The following UBE2K variants were observed in gnomAD, a reference collection of about 807,000 sequenced individuals.
UBE2K encodes the protein ubiquitin-conjugating enzyme E2 K.
In UBE2K, 6 loss-of-function variants were observed where a neutral mutation model predicts 30.0. The observed-to-expected ratio is 0.20, with a 90% CI of 0.11 to 0.39. The LOEUF (loss-of-function observed/expected upper bound fraction) is 0.39. UBE2K is among the 10% of genes least tolerant of loss of function. UBE2K has a pLI of 1.00. For missense variants in UBE2K, 61 were observed against 241.6 expected (o/e 0.25, Z 4.96); for synonymous variants, 86 against 83.7 (o/e 1.03, Z -0.15).
rs543566119 is a variant in UBE2K, at chr4:39,749,649, A to C, written c.216+3839A>C. On this transcript the variant is annotated intron_variant, in intron 3 of 6. Coordinates refer to ENST00000261427, the MANE Select transcript of UBE2K (RefSeq NM_005339.5). ...AGCCGAGATCATGCCACTGCACTGC[A>C]GCCTGGACAAGAGAGTAAGACTCTG... Among the ~76,000 whole-genome samples, 4 of 152,174 alleles carry C rather than the reference A, an allele frequency of 2.6e-5. No individual in the cohort carries two copies. The South Asian group carries it at 8.3e-4, about 31-fold the overall frequency.
At chr4:39,745,832 G>C in intron 3 of UBE2K, 22 bp downstream of exon 3, 1 of 1,540,380 alleles carries the variant, frequency 6.5e-7, no homozygotes, top group Non-Finnish European at 8.8e-7. Context: ...CTATTTTTGT[G>C]CATGAAGTTA....
chr4:39,781,104 A>G lies in UBE2K; in HGVS notation c.*2670A>G, dbSNP rs1302968705. ...ATAGTATTTCAGTACTGATGAATGA[A>G]TGAATGAATGAATGGCAGTTAGTGG... On this transcript the variant is annotated 3_prime_UTR_variant, in exon 7 of 7. Coordinates refer to ENST00000261427, the MANE Select transcript of UBE2K (RefSeq NM_005339.5). 2 of 152,152 alleles carry G rather than the reference A, an allele frequency of 1.3e-5. No individual in the cohort carries two copies. Among genetic ancestry groups the G allele is most frequent in the East Asian group, 3.8e-4 (2 of 5,206 alleles). 9.4% of individuals were successfully genotyped at this position (152,152 alleles called of 1,614,324 possible). A position where few individuals can be genotyped will look rare whatever the true frequency, so the allele number is the denominator to read the frequency against.
intron 3 of UBE2K, among the ~76,000 whole-genome samples, chr4:39,748,708 T>A (rs943693067): frequency 6.6e-6 from 1 of 152,128 alleles, no homozygotes; most frequent in Non-Finnish European, 1.5e-5. Context: ...TAGAAACATC[T>A]TCTTAGGTTC....
At chr4:39,704,630 C>A (rs1396572819) in intron 1 of UBE2K, among the ~76,000 whole-genome samples, 1 of 151,984 alleles carries the variant, frequency 6.6e-6, no homozygotes, top group Admixed American at 6.6e-5. Context: ...GCCTTGAACT[C>A]CCCAGGCTTA....
At chr4:39,729,566 T>G (rs1719957797) in intron 1 of UBE2K, among the ~76,000 whole-genome samples, 1 of 152,218 alleles carries the variant, frequency 6.6e-6, no homozygotes, top group South Asian at 2.1e-4. Context: ...TTCATTGCAC[T>G]GGACTTTATT....
At chr4:39,745,538 C>A (rs1272433101) in intron 2 of UBE2K, among the ~76,000 whole-genome samples, 3 of 152,164 alleles carry the variant, frequency 2.0e-5, no homozygotes, top group Non-Finnish European at 4.4e-5. Context: ...CACTGATAAA[C>A]TAATACAGTT....
At chr4:39,704,289 T>C (rs1158680273) in intron 1 of UBE2K, among the ~76,000 whole-genome samples, 3 of 152,046 alleles carry the variant, frequency 2.0e-5, no homozygotes, top group Admixed American at 2.0e-4. Flanking sequence ...AAAGTTTTTA[T>C]TTTTATTTTA....
chr4:39,753,279 A>G (rs539358337), intron 3 of UBE2K, among the ~76,000 whole-genome samples: 159 of 152,244 alleles, frequency 1.0e-3, no homozygotes, highest in African/African-American at 3.6e-3. Flanking sequence ...AGTCACAGCT[A>G]CTTTTAAGAT....
chr4:39,773,172 A>G (rs1024166406), intron 4 of UBE2K, among the ~76,000 whole-genome samples: 2 of 152,038 alleles, frequency 1.3e-5, no homozygotes, highest in Admixed American at 1.3e-4. Context: ...ATGATTTCAT[A>G]TTTTCTTGAA....
chr4:39,752,177 G>T (rs1292368704), intron 3 of UBE2K, among the ~76,000 whole-genome samples: 1 of 152,110 alleles, frequency 6.6e-6, no homozygotes, highest in Admixed American at 6.6e-5. Context: ...CTGTCCCCCA[G>T]GCTGGAGTGC....
chr4:39,711,223 T>C (rs1718657005), intron 1 of UBE2K, among the ~76,000 whole-genome samples: 2 of 145,542 alleles, frequency 1.4e-5, no homozygotes, highest in Non-Finnish European at 1.5e-5. Flanking sequence ...AGTGCAGTGG[T>C]GTGATCTCGG....
intron 4 of UBE2K, among the ~76,000 whole-genome samples, chr4:39,759,307 C>T (rs11942087): frequency 0.19 from 28,172 of 151,928 alleles, 4,629 homozygotes; most frequent in African/African-American, 0.45. Flanking sequence ...GGCAAAGTCT[C>T]GCTCTGTCAC....
rs577810076 is a variant in UBE2K at position 39,698,312 on chromosome 4, A to T, written c.-16A>T. The T allele has an allele frequency of 3.7e-6, 6 of 1,609,432 alleles. No individual in the cohort carries two copies. The Admixed American group carries it at 6.7e-5, about 18-fold the overall frequency. ...GTGGCGGAGGAGGCGGGTACGAATCAGCTGCGGGCGGAGACATGGCCAACA... is the reference window on the plus strand; with the variant it reads ...GTGGCGGAGGAGGCGGGTACGAATCTGCTGCGGGCGGAGACATGGCCAACA... On this transcript the variant is annotated 5_prime_UTR_variant, in exon 1 of 7. Transcript: ENST00000261427.
intron 1 of UBE2K, among the ~76,000 whole-genome samples, chr4:39,722,917 C>T (rs760164486): frequency 6.6e-6 from 1 of 151,274 alleles, no homozygotes; most frequent in Non-Finnish European, 1.5e-5. Context: ...TGCCTCAGCC[C>T]CCCAAGTATC....
At chr4:39,722,310 A>T (rs1372534064) in intron 1 of UBE2K, among the ~76,000 whole-genome samples, 1 of 152,160 alleles carries the variant, frequency 6.6e-6, no homozygotes, top group Non-Finnish European at 1.5e-5. Context: ...CTTCAGGTTA[A>T]ACATTTTGGT....
At chr4:39,705,323 G>A (rs549042351) in intron 1 of UBE2K, among the ~76,000 whole-genome samples, 1 of 149,730 alleles carries the variant, frequency 6.7e-6, no homozygotes, top group African/African-American at 2.5e-5. Context: ...TCAGCCTCCT[G>A]AGTAGCTGGT....
chr4:39,723,099 A>G (rs1481553795), intron 1 of UBE2K, among the ~76,000 whole-genome samples: 1 of 151,084 alleles, frequency 6.6e-6, no homozygotes, highest in African/African-American at 2.4e-5. Context: ...ACTGGAGTGC[A>G]GTGGTACAAC....
chr4:39,747,950 C>T (rs1182781276), intron 3 of UBE2K, among the ~76,000 whole-genome samples: 2 of 151,858 alleles, frequency 1.3e-5, no homozygotes, highest in African/African-American at 4.8e-5. Flanking sequence ...TACAGGCACC[C>T]GCCACCAAGC....
At chr4:39,724,763 C>A (rs1359292800) in intron 1 of UBE2K, among the ~76,000 whole-genome samples, 1 of 148,184 alleles carries the variant, frequency 6.7e-6, no homozygotes, top group Non-Finnish European at 1.5e-5. Context: ...GAGTGAGACC[C>A]TGTTTCAAAA....
Sources: allele counts gnomAD v4.1 joint callset (sites outside exome capture counted in the v4.1 genomes callset), GRCh38; gene constraint gnomAD v4.1.1; transcripts MANE v1.5; gene names NCBI Gene and HGNC (gene_info 2026-07-23, HGNC 2026-07-21).